Variants in SGMS2 observed in about 807,000 individuals in gnomAD.
SGMS2 encodes the protein sphingomyelin synthase 2.
A neutral mutation model predicts 43.8 loss-of-function variants in SGMS2; 21 were observed. That is an observed-to-expected ratio of 0.48 (90% CI 0.34 to 0.69). The LOEUF (loss-of-function observed/expected upper bound fraction) is 0.69. Ranked by LOEUF, SGMS2 falls within the 30% of genes least tolerant of loss-of-function variation. The probability of loss-of-function intolerance (pLI) is 0.01; values close to 1 mark genes in which losing one functional copy is unlikely to be tolerated. For synonymous variants in SGMS2, 167 were observed against 160.6 expected (o/e 1.04, Z -0.30); for missense variants, 384 against 443.2 (o/e 0.87, Z 1.20).
intron 1 of SGMS2, among the ~76,000 whole-genome samples, chr4:107,826,824 G>A (rs181763110): frequency 6.6e-6 from 1 of 152,300 alleles, no homozygotes; most frequent in Admixed American, 6.5e-5. Context: ...GAAATGTTTG[G>A]AAGAAACTTT....
intron 2 of SGMS2, among the ~76,000 whole-genome samples, chr4:107,883,942 C>A (rs1245949070): frequency 6.6e-6 from 1 of 152,130 alleles, no homozygotes; most frequent in Admixed American, 6.5e-5. Context: ...AAATGGGGAA[C>A]TGGAGAGAGA....
At chr4:107,832,699 T>C (rs1350396260) in intron 1 of SGMS2, among the ~76,000 whole-genome samples, 2 of 152,320 alleles carry the variant, frequency 1.3e-5, no homozygotes, top group East Asian at 1.9e-4. Flanking sequence ...TGTGGAGGAT[T>C]ACAACTAGAT....
chr4:107,854,453 C>A (rs966394230), intron 1 of SGMS2, among the ~76,000 whole-genome samples: 1 of 152,072 alleles, frequency 6.6e-6, no homozygotes, highest in African/African-American at 2.4e-5. Flanking sequence ...TTGTTTAATC[C>A]CCTGAGATGA....
rs1447164361 is a variant in SGMS2 at position 107,913,805 on chromosome 4, T to C, written c.*3252T>C. The C allele has an allele frequency of 6.6e-6, 1 of 152,190 alleles. No individual in the cohort carries two copies. The highest frequency in any genetic ancestry group is 1.9e-4 in the East Asian group (1 of 5,194). The allele number at this position is 152,190 out of a possible 1,614,324, so 9.4% of individuals were successfully genotyped here. A position where few individuals can be genotyped will look rare whatever the true frequency, so the allele number is the denominator to read the frequency against. On this transcript the variant is annotated 3_prime_UTR_variant, in exon 7 of 7. Coordinates refer to ENST00000690982, the MANE Select transcript of SGMS2 (RefSeq NM_001375905.1). ...GTTTACTTTGAAACACCAAATTTGT[T>C]GTCTTGGTTTTTTTTACATGACAGA...
At chr4:107,843,033 T>A (rs1214256680) in intron 1 of SGMS2, among the ~76,000 whole-genome samples, 2 of 152,192 alleles carry the variant, frequency 1.3e-5, no homozygotes, top group Non-Finnish European at 2.9e-5. Flanking sequence ...ACTGAGCCCC[T>A]ACTTTGAGAT....
At chr4:107,869,411 TA>T (rs1473557735) in intron 2 of SGMS2, among the ~76,000 whole-genome samples, 1 of 152,056 alleles carries the variant, frequency 6.6e-6, no homozygotes, top group Admixed American at 6.6e-5. Context: ...AGAAATTCAG[TA>T]AATATGGTGG....
intron 4 of SGMS2, 62 bp from the exon 5 acceptor site, chr4:107,903,167 CAATT>C: frequency 6.7e-7 from 1 of 1,493,078 alleles, no homozygotes; most frequent in Non-Finnish European, 9.3e-7. Context: ...AAGAGTCACA[CAATT>C]AGACTGAAAC....
At chr4:107,838,197 A>C (rs949559829) in intron 1 of SGMS2, among the ~76,000 whole-genome samples, 6 of 152,208 alleles carry the variant, frequency 3.9e-5, no homozygotes, top group Admixed American at 3.3e-4. Context: ...ACAGGAACCA[A>C]ATGTTTAAGA....
intron 2 of SGMS2, 141 bp downstream of exon 2, chr4:107,858,694 G>C (rs1034555037): frequency 2.6e-5 from 4 of 152,068 alleles, no homozygotes; most frequent in African/African-American, 9.7e-5. Context: ...TCCCTTCTCT[G>C]GTTAAGACAT....
chr4:107,844,963 C>G (rs1293421577), intron 1 of SGMS2, among the ~76,000 whole-genome samples: 1 of 152,146 alleles, frequency 6.6e-6, no homozygotes, highest in Non-Finnish European at 1.5e-5. Flanking sequence ...TTGATACAAG[C>G]TGTGGCAGAT....
At chr4:107,844,799 A>G (rs1025373640) in intron 1 of SGMS2, among the ~76,000 whole-genome samples, 6 of 152,246 alleles carry the variant, frequency 3.9e-5, no homozygotes, top group African/African-American at 1.4e-4. Flanking sequence ...ATGACAGTCC[A>G]TCTCTTCAAA....
chr4:107,878,990 C>G (rs926379869), intron 2 of SGMS2, among the ~76,000 whole-genome samples: 1 of 152,118 alleles, frequency 6.6e-6, no homozygotes, highest in Admixed American at 6.5e-5. Context: ...TGCAGATCAT[C>G]CCTGCTTGTG....
At chr4:107,876,383 C>T (rs1728912626) in intron 2 of SGMS2, among the ~76,000 whole-genome samples, 1 of 152,132 alleles carries the variant, frequency 6.6e-6, no homozygotes, top group South Asian at 2.1e-4. Flanking sequence ...AAGTCTCTGC[C>T]TTTATCTCCA....
chr4:107,875,667 T>C (rs12506900), intron 2 of SGMS2, among the ~76,000 whole-genome samples: 107,201 of 152,036 alleles, frequency 0.71, 38,468 homozygotes, highest in African/African-American at 0.83. Context: ...TAAAAGTTAA[T>C]AAAGAAAAGA....
intron 2 of SGMS2, among the ~76,000 whole-genome samples, chr4:107,881,112 A>AT (rs2126082381): frequency 6.6e-6 from 1 of 152,052 alleles, no homozygotes; most frequent in East Asian, 1.9e-4. Context: ...TATAAGTTAA[A>AT]TTTTTTTCTA....
intron 1 of SGMS2, among the ~76,000 whole-genome samples, chr4:107,835,046 A>C (rs1436707383): frequency 2.0e-5 from 3 of 152,186 alleles, no homozygotes; most frequent in African/African-American, 7.2e-5. Flanking sequence ...AAAATGAATA[A>C]GAATTATAAT....
intron 1 of SGMS2, among the ~76,000 whole-genome samples, chr4:107,833,283 C>T (rs1257732073): frequency 6.6e-6 from 1 of 152,094 alleles, no homozygotes; most frequent in African/African-American, 2.4e-5. Flanking sequence ...AAATCTTTAT[C>T]GGAGGAGAGT....
intron 1 of SGMS2, among the ~76,000 whole-genome samples, chr4:107,841,883 T>C (rs1726531613): frequency 6.6e-6 from 1 of 152,064 alleles, no homozygotes; most frequent in African/African-American, 2.4e-5. Flanking sequence ...ACTCCTGGGC[T>C]CAAGTAATCC....
intron 5 of SGMS2, among the ~76,000 whole-genome samples, chr4:107,906,304 A>G (rs1015241776): frequency 6.6e-6 from 1 of 152,206 alleles, no homozygotes; most frequent in Non-Finnish European, 1.5e-5. Flanking sequence ...AAGATGTGGC[A>G]CCAGGACCAT....
Sources: allele counts gnomAD v4.1 joint callset (sites outside exome capture counted in the v4.1 genomes callset), GRCh38; gene constraint gnomAD v4.1.1; transcripts MANE v1.5; gene names NCBI Gene and HGNC (gene_info 2026-07-23, HGNC 2026-07-21).